The following EFCAB5 variants were observed in gnomAD, a reference collection of about 807,000 sequenced individuals.
EFCAB5 encodes EF-hand calcium binding domain 5.
A neutral mutation model predicts 167.9 loss-of-function variants in EFCAB5; 131 were observed. That is an observed-to-expected ratio of 0.78 (90% confidence interval 0.68 to 0.90). EFCAB5 has a LOEUF of 0.90. Among genes scored for constraint, EFCAB5 ranks in the 40% least tolerant of loss-of-function variants. The pLI, the probability that EFCAB5 is intolerant of heterozygous loss-of-function variation, is 0.00. For missense variants in EFCAB5, 1,663 were observed against 1,745.2 expected (o/e 0.95, Z 0.84); for synonymous variants, 574 against 602.8 (o/e 0.95, Z 0.70).
At chr17:29,966,705 T>C (rs1474448376) in intron 3 of EFCAB5, among the ~76,000 whole-genome samples, 1 of 152,196 alleles carries the variant, frequency 6.6e-6, no homozygotes, top group Non-Finnish European at 1.5e-5. Flanking sequence ...TTGTACTCTT[T>C]GAGAGGAAGT....
chr17:30,054,055 A>G lies in EFCAB5; in HGVS notation c.2101A>G (p.Arg701Gly). Reference sequence around the variant, plus strand: ...CATTGAAGTCCCTCTACAGGAAAAGAGGTCTTGGGAACAAACATATGAAGA... The same window carrying G: ...CATTGAAGTCCCTCTACAGGAAAAGGGGTCTTGGGAACAAACATATGAAGA... ...EYIEVPLQEKRSWEQTYEEEI... is the reference protein window; with the variant it reads ...EYIEVPLQEKGSWEQTYEEEI... Residue 701 changes from arginine to glycine, a missense_variant, in exon 10 of 23, where the codon AGG (arginine) becomes GGG (glycine). Coordinates refer to ENST00000394835, the MANE Select transcript of EFCAB5 (RefSeq NM_198529.4). 6.2e-7 allele frequency: 1 copy of G among 1,600,280 alleles called. No homozygotes were observed. The highest frequency in any genetic ancestry group is 2.2e-5 in the East Asian group (1 of 44,630).
chr17:29,999,430 GA>G (rs1179195542), intron 6 of EFCAB5, among the ~76,000 whole-genome samples: 2 of 152,058 alleles, frequency 1.3e-5, no homozygotes, highest in Non-Finnish European at 2.9e-5. Context: ...GGGAGGTAGA[GA>G]AAAAGGAAGA....
intron 14 of EFCAB5, chr17:30,069,171 ATCT>A: frequency 1.3e-6 from 2 of 1,546,306 alleles, no homozygotes; most frequent in Non-Finnish European, 1.8e-6. Context: ...GAGAATCCAC[ATCT>A]TCTGAGAAAG....
chr17:30,015,122 T>C (rs1175447702), intron 7 of EFCAB5, among the ~76,000 whole-genome samples: 1 of 152,206 alleles, frequency 6.6e-6, no homozygotes, highest in Non-Finnish European at 1.5e-5. Flanking sequence ...TGTTGAATAT[T>C]GGCCCCCACA....
chr17:30,087,278 T>C, intron 19 of EFCAB5, 112 bp downstream of exon 19: 1 of 743,064 alleles, frequency 1.3e-6, no homozygotes, highest in East Asian at 2.9e-5. Flanking sequence ...CTTTTATTCT[T>C]TCTTTTTAAT....
chr17:30,100,623 T>G (rs1047667319), intron 22 of EFCAB5, among the ~76,000 whole-genome samples: 2 of 151,990 alleles, frequency 1.3e-5, no homozygotes, highest in African/African-American at 4.8e-5. Flanking sequence ...AAAAATTAGC[T>G]GGGCATGGTG....
At chr17:29,987,942 T>C (rs1432542608) in intron 4 of EFCAB5, among the ~76,000 whole-genome samples, 1 of 152,184 alleles carries the variant, frequency 6.6e-6, no homozygotes, top group Non-Finnish European at 1.5e-5. Flanking sequence ...CGAGGGAACA[T>C]GTGTGACATC....
chr17:30,087,124 AC>A lies in EFCAB5; in HGVS notation c.3642del (p.His1214GlnfsTer38). 1.9e-6 allele frequency: 3 copies of A among 1,613,732 alleles called. No individual in the cohort carries two copies. The highest frequency in any genetic ancestry group is 2.5e-6 in the Non-Finnish European group (3 of 1,179,728). ...VTGQLGLTEI[H>X]KNPPTIHRKS... Reference sequence around the variant, plus strand: ...GGGCAGCTGGGTCTAACAGAAATCCACAAAAATCCTCCTACCATCCACAGGA... The same window carrying A: ...GGGCAGCTGGGTCTAACAGAAATCCAAAAAATCCTCCTACCATCCACAGGA... On this transcript the variant is annotated frameshift_variant, in exon 19 of 23. Coordinates refer to ENST00000394835, the MANE Select transcript of EFCAB5 (RefSeq NM_198529.4). LOFTEE classifies it high-confidence loss of function.
At chr17:29,993,140 T>A (rs2068459970) in intron 4 of EFCAB5, 25 bp from the exon 5 acceptor site, 9 of 1,572,778 alleles carry the variant, frequency 5.7e-6, no homozygotes, top group Non-Finnish European at 7.8e-6. Context: ...TAACTCAACA[T>A]GTTTTCTATA....
At chr17:29,970,208 T>C (rs2067919484) in intron 4 of EFCAB5, among the ~76,000 whole-genome samples, 1 of 152,170 alleles carries the variant, frequency 6.6e-6, no homozygotes, top group South Asian at 2.1e-4. Flanking sequence ...GCCCCACTGG[T>C]TTGGGATTGA....
At chr17:30,069,347 C>T (rs1273690413) in intron 14 of EFCAB5, 35 of 1,556,558 alleles carry the variant, frequency 2.2e-5, no homozygotes, top group Non-Finnish European at 2.7e-5. Flanking sequence ...GGAAAATCAG[C>T]GACTAATTGG....
At chr17:29,952,421 C>T (rs575256620) in intron 3 of EFCAB5, among the ~76,000 whole-genome samples, 1 of 152,264 alleles carries the variant, frequency 6.6e-6, no homozygotes, top group East Asian at 1.9e-4. Flanking sequence ...GAAACCCTCA[C>T]ATGTGGACAC....
intron 14 of EFCAB5, among the ~76,000 whole-genome samples, chr17:30,072,105 C>T (rs968020760): frequency 2.0e-5 from 3 of 152,082 alleles, no homozygotes; most frequent in Admixed American, 6.5e-5. Flanking sequence ...CTATAATTAA[C>T]AGCAATTGGT....
At chr17:30,072,998 A>G (rs544794444) in intron 14 of EFCAB5, 3 of 507,882 alleles carry the variant, frequency 5.9e-6, no homozygotes, top group Admixed American at 3.7e-5. Flanking sequence ...AGTTTTAGAC[A>G]ATGGGAGTTC....
intron 7 of EFCAB5, among the ~76,000 whole-genome samples, chr17:30,026,636 T>A (rs1434539304): frequency 6.6e-6 from 1 of 152,244 alleles, no homozygotes; most frequent in East Asian, 1.9e-4. Flanking sequence ...CCTCTCATTT[T>A]ATTGTTCTAA....
intron 14 of EFCAB5, among the ~76,000 whole-genome samples, chr17:30,070,760 G>T (rs1024754195): frequency 6.6e-6 from 1 of 151,830 alleles, no homozygotes; most frequent in East Asian, 1.9e-4. Context: ...GACCAGCCTG[G>T]CCAACATGGC....
At chr17:30,021,448 T>C (rs536837146) in intron 7 of EFCAB5, among the ~76,000 whole-genome samples, 1 of 147,942 alleles carries the variant, frequency 6.8e-6, no homozygotes, top group African/African-American at 2.4e-5. Context: ...TAAATATTTA[T>C]ATATAAATAT....
At chr17:30,091,482 C>G (rs1045499661) in intron 20 of EFCAB5, among the ~76,000 whole-genome samples, 1 of 152,178 alleles carries the variant, frequency 6.6e-6, no homozygotes, top group African/African-American at 2.4e-5. Context: ...TGTAACTAAG[C>G]ACTTTTACAT....
chr17:30,019,712 C>T (rs2151703179), intron 7 of EFCAB5, among the ~76,000 whole-genome samples: 1 of 152,182 alleles, frequency 6.6e-6, no homozygotes, highest in African/African-American at 2.4e-5. Flanking sequence ...TCCCAAAGTG[C>T]TAGGATTACA....
Sources: gnomAD v4.1 joint callset for allele counts (sites outside exome capture counted in the v4.1 genomes callset) on GRCh38, gnomAD v4.1.1 for gene constraint, MANE v1.5 for transcripts, NCBI Gene and HGNC (gene_info 2026-07-23, HGNC 2026-07-21) for gene names.